Variants in TENM2 observed in about 807,000 individuals in gnomAD.
The protein encoded by TENM2 is teneurin-2.
A neutral mutation model predicts 245.2 loss-of-function variants in TENM2; 52 were observed. The observed-to-expected ratio is 0.21, with a 90% CI of 0.17 to 0.27. The LOEUF (loss-of-function observed/expected upper bound fraction) is 0.27, where lower values mean the gene tolerates loss of function less well. TENM2 is among the 10% of genes least tolerant of loss of function. The probability of loss-of-function intolerance (pLI) is 1.00; values close to 1 mark genes in which losing one functional copy is unlikely to be tolerated. For missense variants in TENM2, 3,046 were observed against 3,666.8 expected (o/e 0.83, Z 4.37); for synonymous variants, 1,363 against 1,438.9 (o/e 0.95, Z 1.19).
At chr5:167,937,768 G>A (rs1778844295) in intron 3 of TENM2, 1 of 152,136 alleles carries the variant, frequency 6.6e-6, no homozygotes, top group African/African-American at 2.4e-5. Context: ...ATGGGTATTT[G>A]TTTCATCCAT....
At chr5:167,035,649 A>G in the TENM2 span, among the ~76,000 whole-genome samples, 8 of 152,242 alleles carry the variant, frequency 5.3e-5, no homozygotes, top group East Asian at 7.7e-4. Flanking sequence ...AGCGAAGGAG[A>G]AAAGAAGCCT....
intron 2 of TENM2, among the ~76,000 whole-genome samples, chr5:167,804,123 T>C (rs1254684609): frequency 6.6e-6 from 1 of 152,054 alleles, no homozygotes; most frequent in Non-Finnish European, 1.5e-5. Flanking sequence ...TTCGAAGCAT[T>C]TCTAGTCCCA....
At chr5:167,806,840 A>G (rs945281680) in intron 2 of TENM2, among the ~76,000 whole-genome samples, 2 of 152,060 alleles carry the variant, frequency 1.3e-5, no homozygotes, top group South Asian at 4.1e-4. Flanking sequence ...TCCCAAAACA[A>G]AGTTCCCAGT....
At chr5:167,690,459 T>C (rs1757352712) in intron 2 of TENM2, among the ~76,000 whole-genome samples, 1 of 152,138 alleles carries the variant, frequency 6.6e-6, no homozygotes, top group Non-Finnish European at 1.5e-5. Flanking sequence ...ACTTTACTTA[T>C]TTGGGAAGGA....
intron 7 of TENM2, among the ~76,000 whole-genome samples, chr5:168,068,533 G>A (rs903956574): frequency 7.2e-5 from 11 of 152,084 alleles, no homozygotes; most frequent in African/African-American, 2.4e-4. Flanking sequence ...GTATGTTTGT[G>A]TATTAATAAA....
chr5:167,289,543 G>A (rs545764102), intron 1 of TENM2, among the ~76,000 whole-genome samples: 6 of 152,224 alleles, frequency 3.9e-5, no homozygotes, highest in Admixed American at 1.3e-4. Context: ...AAATCCTACC[G>A]GCTATTTGAT....
At chr5:167,780,739 ATGT>A (rs753830027) in intron 2 of TENM2, among the ~76,000 whole-genome samples, 58 of 152,168 alleles carry the variant, frequency 3.8e-4, no homozygotes, top group Non-Finnish European at 7.1e-4. Context: ...ATTGATAAAA[ATGT>A]TGTGCCCAGA....
intron 7 of TENM2, among the ~76,000 whole-genome samples, chr5:168,073,061 A>G (rs1378944471): frequency 6.6e-6 from 1 of 152,158 alleles, no homozygotes; most frequent in Non-Finnish European, 1.5e-5. Context: ...CACAGTGCAC[A>G]CTGCATCTAC....
chr5:168,150,121 G>A (rs1455287479), intron 12 of TENM2, among the ~76,000 whole-genome samples: 1 of 152,018 alleles, frequency 6.6e-6, no homozygotes, highest in African/African-American at 2.4e-5. Flanking sequence ...GTTTATTGTA[G>A]GTCTCCTCAC....
intron 2 of TENM2, among the ~76,000 whole-genome samples, chr5:167,388,427 A>G (rs905318442): frequency 6.6e-6 from 1 of 152,102 alleles, no homozygotes; most frequent in African/African-American, 2.4e-5. Flanking sequence ...CTAATGGTCT[A>G]TCAATTTTAT....
chr5:168,203,303 T>C (rs1762080866), intron 17 of TENM2, among the ~76,000 whole-genome samples: 1 of 152,172 alleles, frequency 6.6e-6, no homozygotes. Context: ...CAAAATATAA[T>C]AAATGCATGC....
chr5:168,120,900 A>C (rs17069917), intron 10 of TENM2, among the ~76,000 whole-genome samples: 15 of 152,192 alleles, frequency 9.9e-5, no homozygotes, highest in African/African-American at 3.6e-4. Context: ...ACTATTAACA[A>C]ATTTGCCCAA....
chr5:168,082,163 C>T (rs191846964), intron 7 of TENM2, among the ~76,000 whole-genome samples: 57 of 152,286 alleles, frequency 3.7e-4, no homozygotes, highest in African/African-American at 9.1e-4. Flanking sequence ...CTTCTCTTCT[C>T]GCTTCATTTC....
At chr5:167,233,342 C>A in the TENM2 span, among the ~76,000 whole-genome samples, 1 of 96,466 alleles carries the variant, frequency 1.0e-5, no homozygotes, top group Non-Finnish European at 2.0e-5. Context: ...AAGATAGCGG[C>A]CCCCCTTCTT....
chr5:167,540,223 C>G (rs1456899218), intron 2 of TENM2, among the ~76,000 whole-genome samples: 1 of 152,178 alleles, frequency 6.6e-6, no homozygotes, highest in African/African-American at 2.4e-5. Context: ...CAAGGGTCTA[C>G]TCTGTTTTAG....
intron 2 of TENM2, among the ~76,000 whole-genome samples, chr5:167,507,253 T>C (rs886535860): frequency 6.6e-6 from 1 of 152,194 alleles, no homozygotes; most frequent in African/African-American, 2.4e-5. Context: ...CCATAAGTAA[T>C]TTTAGTTATT....
intron 2 of TENM2, among the ~76,000 whole-genome samples, chr5:167,502,294 T>C (rs987210248): frequency 6.6e-6 from 1 of 152,154 alleles, no homozygotes; most frequent in Non-Finnish European, 1.5e-5. Flanking sequence ...GTTTAAGAAT[T>C]AGGACTATAA....
intron 5 of TENM2, among the ~76,000 whole-genome samples, chr5:168,002,446 G>T (rs923451660): frequency 6.6e-6 from 1 of 152,206 alleles, no homozygotes; most frequent in African/African-American, 2.4e-5. Flanking sequence ...ATATTCCACA[G>T]GGAAGGGTCA....
chr5:168,205,208 A>C (rs1581628821), intron 19 of TENM2, among the ~76,000 whole-genome samples: 1 of 152,296 alleles, frequency 6.6e-6, no homozygotes, highest in South Asian at 2.1e-4. Flanking sequence ...CCCTCAACTC[A>C]GAGGAGATCT....
Sources: allele counts gnomAD v4.1 joint callset (sites outside exome capture counted in the v4.1 genomes callset), GRCh38; gene constraint gnomAD v4.1.1; transcripts MANE v1.5; gene names NCBI Gene and HGNC (gene_info 2026-07-23, HGNC 2026-07-21).